The following PPM1E variants were observed in gnomAD, a reference collection of about 807,000 sequenced individuals.
PPM1E encodes the protein protein phosphatase 1E.
A neutral mutation model predicts 65.9 loss-of-function variants in PPM1E; 20 were observed. The ratio of observed to expected loss-of-function variants is 0.30; its 90% CI spans 0.21 to 0.44. The LOEUF (loss-of-function observed/expected upper bound fraction) is 0.44. Ranked by LOEUF, PPM1E falls within the 20% of genes least tolerant of loss-of-function variation. PPM1E has a pLI of 1.00. For missense variants in PPM1E, 713 were observed against 953.1 expected (o/e 0.75, Z 3.32); for synonymous variants, 352 against 374.9 (o/e 0.94, Z 0.70).
intron 1 of PPM1E, among the ~76,000 whole-genome samples, chr17:58,854,768 A>C (rs1384529021): frequency 6.6e-6 from 1 of 152,178 alleles, no homozygotes; most frequent in Non-Finnish European, 1.5e-5. Context: ...GTCATGGTGT[A>C]TAATTATTTT....
At chr17:58,908,763 T>C (rs941449008) in intron 1 of PPM1E, among the ~76,000 whole-genome samples, 1 of 152,154 alleles carries the variant, frequency 6.6e-6, no homozygotes, top group African/African-American at 2.4e-5. Flanking sequence ...CTTTTAGTGG[T>C]TGCTCTGGAG....
chr17:58,941,678 CAAGACTCCATCTCAAAAAAA>C (rs2052068783), intron 1 of PPM1E, among the ~76,000 whole-genome samples: 1 of 96,042 alleles, frequency 1.0e-5, no homozygotes. Context: ...GGTGACAGAG[CAAGACTCCATCTCAAAAAAA>C]AAAAAAAAAA....
chr17:58,972,474 C>T (rs2030701216), intron 5 of PPM1E, among the ~76,000 whole-genome samples, 199 bp downstream of exon 5: 2 of 152,122 alleles, frequency 1.3e-5, no homozygotes, highest in African/African-American at 4.8e-5. Context: ...CCTCAGCCTC[C>T]CGAGTAGCTG....
At chr17:58,935,821 A>G (rs528167598) in intron 1 of PPM1E, among the ~76,000 whole-genome samples, 21 of 151,300 alleles carry the variant, frequency 1.4e-4, no homozygotes, top group African/African-American at 4.9e-4. Context: ...TTTTTTTTTT[A>G]AATTTTATTA....
At chr17:58,890,365 A>G (rs140906953) in intron 1 of PPM1E, among the ~76,000 whole-genome samples, 1 of 152,208 alleles carries the variant, frequency 6.6e-6, no homozygotes, top group Non-Finnish European at 1.5e-5. Flanking sequence ...GGTTATCAGC[A>G]CAAAGCATAA....
chr17:58,912,580 G>T (rs2051639529), intron 1 of PPM1E, among the ~76,000 whole-genome samples: 1 of 152,258 alleles, frequency 6.6e-6, no homozygotes, highest in Middle Eastern at 3.4e-3. Context: ...TTTATAATAA[G>T]AAATAATACA....
chr17:58,918,882 GA>G (rs1376442069), intron 1 of PPM1E, among the ~76,000 whole-genome samples: 1 of 146,424 alleles, frequency 6.8e-6, no homozygotes, highest in Non-Finnish European at 1.5e-5. Context: ...TAAAGATGCA[GA>G]ATTAGCCAAA....
chr17:58,784,218 T>C (rs1280734322), intron 1 of PPM1E, among the ~76,000 whole-genome samples: 2 of 151,838 alleles, frequency 1.3e-5, no homozygotes, highest in Non-Finnish European at 2.9e-5. Context: ...GAGACGGGTT[T>C]CACCATGTTG....
At chr17:58,827,759 A>G (rs1406671007) in intron 1 of PPM1E, among the ~76,000 whole-genome samples, 4 of 151,326 alleles carry the variant, frequency 2.6e-5, no homozygotes, top group Non-Finnish European at 5.9e-5. Context: ...AAAATTAGCC[A>G]GGCGTGGTGG....
chr17:58,817,838 G>C (rs956799604), intron 1 of PPM1E, among the ~76,000 whole-genome samples: 9 of 151,440 alleles, frequency 5.9e-5, no homozygotes, highest in African/African-American at 2.2e-4. Flanking sequence ...TGCAAGCTCC[G>C]CCTCCTGAGT....
chr17:58,837,697 C>A (rs1023258017), intron 1 of PPM1E, among the ~76,000 whole-genome samples: 1 of 151,962 alleles, frequency 6.6e-6, no homozygotes, highest in African/African-American at 2.4e-5. Flanking sequence ...AGGGTTTCAC[C>A]GTGTCAGCCA....
chr17:58,972,897 T>C lies in PPM1E; in HGVS notation c.1182T>C (p.Asn394=), dbSNP rs769399539. The C allele has an allele frequency of 1.9e-6, 3 of 1,613,058 alleles. No homozygotes were observed. The highest frequency in any genetic ancestry group is 2.5e-6 in the Non-Finnish European group (3 of 1,179,262). ...CVVWFGAWRV[N]GSLSVSRAIG... is the part of the protein sequence containing the mutation. ...TCTGGTTTGGTGCCTGGAGGGTGAA[T>C]GGAAGTCTGTCGGTTTCCAGAGCTA... Residue 394 remains asparagine (N), a synonymous_variant, in exon 6 of 7, where the codon AAT becomes AAC. Coordinates refer to ENST00000308249, the MANE Select transcript of PPM1E (RefSeq NM_014906.5).
Position 58,807,511 on chromosome 17 carries a change from G to A in PPM1E, c.464+51050G>A, listed in dbSNP as rs188580529. ...TGTTCTGGAATTAGATAACGGTGGC[G>A]GTTGTGCAACTCTGTGACTATACTA... On this transcript the variant is annotated intron_variant, in intron 1 of 6. Transcript: ENST00000308249. 4.6e-5 allele frequency among the ~76,000 whole-genome samples: 7 copies of A among 152,142 alleles called. No homozygotes were observed. The East Asian group carries it at 7.7e-4, about 17-fold the overall frequency.
At chr17:58,848,443 T>A (rs2050793107) in intron 1 of PPM1E, among the ~76,000 whole-genome samples, 1 of 152,186 alleles carries the variant, frequency 6.6e-6, no homozygotes, top group Admixed American at 6.5e-5. Context: ...TTTAGATACA[T>A]CCCATCAATA....
chr17:58,851,218 G>A (rs945776364), intron 1 of PPM1E, among the ~76,000 whole-genome samples: 3 of 152,202 alleles, frequency 2.0e-5, no homozygotes, highest in Middle Eastern at 3.4e-3. Context: ...AGATGGGTTC[G>A]AACACCCTCC....
At chr17:58,823,450 A>T (rs921310832) in intron 1 of PPM1E, among the ~76,000 whole-genome samples, 1 of 152,306 alleles carries the variant, frequency 6.6e-6, no homozygotes, top group South Asian at 2.1e-4. Flanking sequence ...TTATGATTAG[A>T]TATGTTTTAT....
At chr17:58,769,540 C>T (rs1004646966) in intron 1 of PPM1E, among the ~76,000 whole-genome samples, 4 of 151,930 alleles carry the variant, frequency 2.6e-5, no homozygotes, top group East Asian at 1.9e-4. Context: ...GCCCTGAGCC[C>T]GGGAGGCGGA....
At chr17:58,901,998 T>C (rs2051504587) in intron 1 of PPM1E, among the ~76,000 whole-genome samples, 1 of 151,856 alleles carries the variant, frequency 6.6e-6, no homozygotes, top group African/African-American at 2.4e-5. Context: ...ATAAATAAAA[T>C]ATTAAAAATG....
intron 1 of PPM1E, among the ~76,000 whole-genome samples, chr17:58,808,566 G>A (rs1598584034): frequency 6.6e-6 from 1 of 151,832 alleles, no homozygotes; most frequent in Non-Finnish European, 1.5e-5. Flanking sequence ...GAGGGAGGGA[G>A]GAAAGGGGGA....
Sources: allele counts gnomAD v4.1 joint callset (sites outside exome capture counted in the v4.1 genomes callset), GRCh38; gene constraint gnomAD v4.1.1; transcripts MANE v1.5; gene names NCBI Gene and HGNC (gene_info 2026-07-23, HGNC 2026-07-21).